ZFAT: variants seen among roughly 807,000 people sequenced by gnomAD.
The protein encoded by ZFAT is zinc finger protein ZFAT.
Under a neutral mutation model 117.7 loss-of-function variants are expected in ZFAT, and 64 were observed. The observed-to-expected ratio is 0.54, with a 90% confidence interval of 0.44 to 0.67. ZFAT has a LOEUF of 0.67. ZFAT is among the 30% of genes least tolerant of loss of function. The pLI, the probability that ZFAT is intolerant of heterozygous loss-of-function variation, is 0.00. For synonymous variants in ZFAT, 679 were observed against 615.0 expected (o/e 1.10, Z -1.54); for missense variants, 1,433 against 1,584.5 (o/e 0.90, Z 1.62).
chr8:134,830,614 C>T, the ZFAT span, among the ~76,000 whole-genome samples: 2 of 152,220 alleles, frequency 1.3e-5, no homozygotes, highest in African/African-American at 4.8e-5. Context: ...TTATTCTCTA[C>T]CAAAAATTCT....
intron 11 of ZFAT, among the ~76,000 whole-genome samples, chr8:134,554,261 G>A (rs1823400249): frequency 6.6e-6 from 1 of 152,220 alleles, no homozygotes; most frequent in African/African-American, 2.4e-5. Flanking sequence ...CAGAATCACA[G>A]GGGTGGAGTA....
At chr8:134,778,390 C>T in the ZFAT span, among the ~76,000 whole-genome samples, 4 of 152,260 alleles carry the variant, frequency 2.6e-5, no homozygotes, top group Middle Eastern at 3.4e-3. Context: ...CCAATCCAGC[C>T]GGCTATATGA....
intron 15 of ZFAT, among the ~76,000 whole-genome samples, chr8:134,500,613 A>T (rs569239448): frequency 6.6e-6 from 1 of 152,362 alleles, no homozygotes; most frequent in South Asian, 2.1e-4. Flanking sequence ...GAGCTTTGGG[A>T]AAGGATGCAA....
chr8:134,744,576 G>A, the ZFAT span, among the ~76,000 whole-genome samples: 3 of 151,934 alleles, frequency 2.0e-5, no homozygotes, highest in South Asian at 2.1e-4. Flanking sequence ...GATTACAGAC[G>A]TGAACCACTG....
chr8:134,525,419 T>G (rs552230269), intron 12 of ZFAT, among the ~76,000 whole-genome samples: 3 of 152,336 alleles, frequency 2.0e-5, no homozygotes, highest in East Asian at 1.9e-4. Flanking sequence ...GCTATGTTTA[T>G]GTATTGCTCA....
At chr8:134,620,084 G>A (rs1829011158) in intron 3 of ZFAT, among the ~76,000 whole-genome samples, 1 of 152,138 alleles carries the variant, frequency 6.6e-6, no homozygotes, top group Non-Finnish European at 1.5e-5. Context: ...AGAACAGAGG[G>A]GCCTGGCTAG....
chr8:134,600,751 T>C (rs192477312), intron 6 of ZFAT, 83 bp from the exon 7 acceptor site: 2 of 1,095,078 alleles, frequency 1.8e-6, no homozygotes, highest in East Asian at 5.3e-5. Flanking sequence ...ATTTTTTATC[T>C]ACAATATCTA....
chr8:134,712,720 CGGCCGGCGGCCGG>C (rs1814059110), intron 1 of ZFAT, 112 bp downstream of exon 1: 4 of 687,930 alleles, frequency 5.8e-6, no homozygotes, highest in African/African-American at 4.3e-5. Flanking sequence ...GATCCCTCCG[CGGCCGGCGGCCGG>C]CGGCCGGCGG....
chr8:134,818,067 T>C, the ZFAT span, among the ~76,000 whole-genome samples: 1 of 152,176 alleles, frequency 6.6e-6, no homozygotes, highest in African/African-American at 2.4e-5. Context: ...AAAACCTTTG[T>C]TGACCTTGAA....
intron 15 of ZFAT, among the ~76,000 whole-genome samples, chr8:134,491,685 A>G (rs1440636549): frequency 6.6e-6 from 1 of 152,174 alleles, no homozygotes. Flanking sequence ...TTACGATGTC[A>G]TCTCTCTGGT....
chr8:134,758,510 A>G, the ZFAT span, among the ~76,000 whole-genome samples: 1 of 152,244 alleles, frequency 6.6e-6, no homozygotes, highest in African/African-American at 2.4e-5. Context: ...GGGAAGGTAG[A>G]GGAGGCTTAT....
At chr8:134,807,574 T>C in the ZFAT span, among the ~76,000 whole-genome samples, 1 of 152,180 alleles carries the variant, frequency 6.6e-6, no homozygotes, top group African/African-American at 2.4e-5. Context: ...CTCTGAACTC[T>C]GAAATAAGGC....
At chr8:134,571,338 G>A (rs369611954) in intron 10 of ZFAT, among the ~76,000 whole-genome samples, 1 of 152,206 alleles carries the variant, frequency 6.6e-6, no homozygotes, top group African/African-American at 2.4e-5. Context: ...AGGACCAGCC[G>A]CATGAGGAAG....
intron 1 of ZFAT, among the ~76,000 whole-genome samples, chr8:134,684,084 C>G (rs1833199868): frequency 6.6e-6 from 1 of 152,026 alleles, no homozygotes; most frequent in Non-Finnish European, 1.5e-5. Flanking sequence ...AGGGGAAAAG[C>G]CAAGGAAACT....
Position 134,671,376 on chromosome 8 carries a change from C to A in ZFAT, c.20-13639G>T, listed in dbSNP as rs562586271. Among the ~76,000 whole-genome samples the A allele has an allele frequency of 3.7e-4, 56 of 152,282 alleles. 1 individual carries two copies. Among genetic ancestry groups the A allele is most frequent in the Admixed American group, 3.3e-3 (51 of 15,296 alleles). ...TCAATAAAATACTGGCAAACCGAATCCGGCAGCACATCAAAAAGCTTATCC... is the reference window on the plus strand; with the variant it reads ...TCAATAAAATACTGGCAAACCGAATACGGCAGCACATCAAAAAGCTTATCC... On this transcript the variant is annotated intron_variant, in intron 1 of 15. Transcript: ENST00000377838.
At chr8:134,688,350 A>C (rs546885343) in intron 1 of ZFAT, among the ~76,000 whole-genome samples, 1 of 152,248 alleles carries the variant, frequency 6.6e-6, no homozygotes, top group Non-Finnish European at 1.5e-5. Flanking sequence ...ACGTGTGTAC[A>C]TACACAAATG....
intron 3 of ZFAT, among the ~76,000 whole-genome samples, chr8:134,616,011 A>C (rs916314788): frequency 1.3e-5 from 2 of 152,204 alleles, no homozygotes; most frequent in Admixed American, 1.3e-4. Flanking sequence ...ACTCCAGGTA[A>C]AACACCCAGT....
intron 1 of ZFAT, among the ~76,000 whole-genome samples, chr8:134,700,048 A>G (rs4243858): frequency 0.91 from 137,942 of 152,278 alleles, 62,767 homozygotes; most frequent in African/African-American, 0.97. Context: ...AGTCTTAGGC[A>G]CTGAGTTCAA....
chr8:134,622,055 A>C (rs952133724), intron 3 of ZFAT, among the ~76,000 whole-genome samples: 4 of 152,358 alleles, frequency 2.6e-5, no homozygotes, highest in Non-Finnish European at 4.4e-5. Context: ...CATGGTGAGC[A>C]CACACAGTAG....
Sources: gnomAD v4.1 joint callset for allele counts (sites outside exome capture counted in the v4.1 genomes callset) on GRCh38, gnomAD v4.1.1 for gene constraint, MANE v1.5 for transcripts, NCBI Gene and HGNC (gene_info 2026-07-23, HGNC 2026-07-21) for gene names.